DZANK1: variants seen among roughly 807,000 people sequenced by gnomAD.
DZANK1 encodes double zinc ribbon and ankyrin repeat domains 1, also known as double zinc ribbon and ankyrin repeat-containing protein 1.
Under a neutral mutation model 94.5 loss-of-function variants are expected in DZANK1, and 91 were observed. That is an observed-to-expected ratio of 0.96 (90% CI 0.81 to 1.15). DZANK1 has a LOEUF of 1.15. DZANK1 is among the 50% of genes most tolerant of loss of function. The pLI is 0.00. For synonymous variants in DZANK1, 312 were observed against 325.3 expected (o/e 0.96, Z 0.44); for missense variants, 903 against 916.4 (o/e 0.99, Z 0.19).
At chr20:18,453,697 T>C (rs1189643467) in intron 5 of DZANK1, 34 bp downstream of exon 5, 2 of 1,493,050 alleles carry the variant, frequency 1.3e-6, no homozygotes, top group African/African-American at 1.4e-5. Flanking sequence ...GGGTTCAGAA[T>C]ACAAAACCTT....
chr20:18,396,602 T>G (rs367811990), intron 14 of DZANK1, 56 bp from the exon 15 acceptor site: 1 of 1,250,420 alleles, frequency 8.0e-7, no homozygotes. Flanking sequence ...CTCATTGCCT[T>G]AAGTAACAGT....
At chr20:18,414,731 T>C (rs1026222466) in intron 11 of DZANK1, among the ~76,000 whole-genome samples, 3 of 152,142 alleles carry the variant, frequency 2.0e-5, no homozygotes, top group African/African-American at 7.2e-5. Flanking sequence ...ACAACACACA[T>C]GTCCAGCAAT....
intron 3 of DZANK1, among the ~76,000 whole-genome samples, chr20:18,459,061 A>C (rs2059386625): frequency 6.6e-6 from 1 of 152,192 alleles, no homozygotes; most frequent in Admixed American, 6.5e-5. Flanking sequence ...TAACTCCTTC[A>C]AACTGCATAG....
intron 10 of DZANK1, among the ~76,000 whole-genome samples, chr20:18,417,249 T>C (rs1174065882): frequency 2.0e-5 from 3 of 152,184 alleles, no homozygotes; most frequent in African/African-American, 7.2e-5. Context: ...GTTCTGAAAA[T>C]AGTTTTGTTG....
intron 8 of DZANK1, among the ~76,000 whole-genome samples, chr20:18,438,379 T>G (rs1354975912): frequency 6.6e-6 from 1 of 151,944 alleles, no homozygotes; most frequent in Non-Finnish European, 1.5e-5. Flanking sequence ...AATATCACAT[T>G]CAAAAGGCAA....
exon 21 of DZANK1, chr20:18,384,061 ATTC>A: frequency 5.4e-6 from 1 of 183,872 alleles, no homozygotes; most frequent in Admixed American, 5.5e-5. Flanking sequence ...AGCTGCACAT[ATTC>A]TTTTTTTTTT....
At chr20:18,443,640 A>C (rs2058782391) in intron 7 of DZANK1, among the ~76,000 whole-genome samples, 176 bp from the exon 8 acceptor site, 1 of 152,186 alleles carries the variant, frequency 6.6e-6, no homozygotes, top group Non-Finnish European at 1.5e-5. Context: ...TGGTCATTTT[A>C]TTGGAATAGT....
At chr20:18,417,756 A>G (rs2057560076) in intron 10 of DZANK1, among the ~76,000 whole-genome samples, 1 of 152,162 alleles carries the variant, frequency 6.6e-6, no homozygotes, top group Non-Finnish European at 1.5e-5. Flanking sequence ...ATAAGACCAT[A>G]ATAAATGACT....
intron 8 of DZANK1, among the ~76,000 whole-genome samples, chr20:18,438,965 T>C (rs912292940): frequency 1.6e-4 from 24 of 152,180 alleles, no homozygotes; most frequent in South Asian, 8.3e-4. Flanking sequence ...ACCTTGGGGG[T>C]TGGGATTTCA....
intron 13 of DZANK1, among the ~76,000 whole-genome samples, chr20:18,401,099 GCTAATTT>G (rs943283409): frequency 7.9e-5 from 12 of 152,026 alleles, no homozygotes; most frequent in African/African-American, 2.9e-4. Context: ...ACCACACCTG[GCTAATTT>G]TTGTACTTTT....
chr20:18,443,475 A>C lies in DZANK1; in HGVS notation c.630-11T>G. 7.1e-7 allele frequency: 1 copy of C among 1,409,966 alleles called. No individual in the cohort carries two copies. The allele number at this position is 1,409,966 out of a possible 1,614,324, so 87.3% of individuals were successfully genotyped here. A position where few individuals can be genotyped will look rare whatever the true frequency, so the allele number is the denominator to read the frequency against. The stretch of plus-strand genomic sequence containing the variant: ...AGGCAGTGGGCACACCTACAACAAA[A>C]CAGGTTCCCGATTGGCCATGTTCTG... On this transcript the variant is annotated splice_polypyrimidine_tract_variant and intron_variant, in intron 7 of 20. Coordinates refer to ENST00000262547, the Ensembl canonical transcript of DZANK1.
rs552407849 is a variant in DZANK1, at chr20:18,387,549, T to C, written c.2018+2152A>G. Among the ~76,000 whole-genome samples the C allele has an allele frequency of 7.2e-5, 11 of 152,326 alleles. No homozygotes were observed. The South Asian group carries it at 2.3e-3, about 32-fold the overall frequency. On this transcript the variant is annotated intron_variant, in intron 19 of 20. Transcript: ENST00000262547. The stretch of plus-strand genomic sequence containing the variant: ...TGGCTACTGGGGCAGAGCCAGAGGA[T>C]GGCATGTTTGGAATCGCCAATGCAG...
chr20:18,466,659 G>A (rs1050535351), intron 1 of DZANK1, among the ~76,000 whole-genome samples: 11 of 152,224 alleles, frequency 7.2e-5, no homozygotes, highest in Non-Finnish European at 1.5e-4. Context: ...TCAACTAGCA[G>A]CTGCCCTTAG....
At chr20:18,415,380 A>G in exon 11 of DZANK1, 1 of 1,596,832 alleles carries the variant, frequency 6.3e-7, no homozygotes, top group Non-Finnish European at 8.5e-7. Flanking sequence ...CAGCGACCAC[A>G]TCTGTAGCAG....
intron 6 of DZANK1, among the ~76,000 whole-genome samples, chr20:18,451,137 G>T (rs2059086261): frequency 6.6e-6 from 1 of 152,074 alleles, no homozygotes. Flanking sequence ...GTAGAGACGG[G>T]GTTTCACCAT....
chr20:18,459,860 C>T lies in DZANK1; in HGVS notation c.263+293G>A, dbSNP rs188168454. ...CAAGATGGAGCTCTTTAGAGACCCC[C>T]GGCCCTGGAAAGGATCTTCCTTCCT... On this transcript the variant is annotated intron_variant, in intron 3 of 20. Coordinates refer to ENST00000262547, the Ensembl canonical transcript of DZANK1. Among the ~76,000 whole-genome samples, 20 of 152,150 alleles carry T rather than the reference C, an allele frequency of 1.3e-4. No individual in the cohort carries two copies. In the East Asian group the frequency reaches 2.5e-3, roughly 19 times the overall value.
chr20:18,461,324 G>A (rs6045418), intron 2 of DZANK1, among the ~76,000 whole-genome samples: 4,062 of 151,918 alleles, frequency 0.027, 171 homozygotes, highest in African/African-American at 0.092. Context: ...TACATAAAGA[G>A]CTCCCTAGGA....
intron 7 of DZANK1, among the ~76,000 whole-genome samples, chr20:18,444,174 C>T (rs964503850): frequency 3.9e-5 from 6 of 152,176 alleles, no homozygotes; most frequent in African/African-American, 1.2e-4. Context: ...ATACTGTGCA[C>T]CGGATTGTCT....
intron 13 of DZANK1, among the ~76,000 whole-genome samples, chr20:18,410,081 T>C (rs901305896): frequency 3.3e-5 from 5 of 149,442 alleles, no homozygotes; most frequent in South Asian, 2.1e-4. Context: ...CAAAGCTTCA[T>C]TGGGCTTAGG....
Sources: gnomAD v4.1 joint callset for allele counts (sites outside exome capture counted in the v4.1 genomes callset) on GRCh38, gnomAD v4.1.1 for gene constraint, MANE v1.5 for transcripts, NCBI Gene and HGNC (gene_info 2026-07-23, HGNC 2026-07-21) for gene names.